The following RAI14 variants were observed in gnomAD, a reference collection of about 807,000 sequenced individuals.
The protein encoded by RAI14 is ankycorbin.
Under a neutral mutation model 115.4 loss-of-function variants are expected in RAI14, and 45 were observed. That is an observed-to-expected ratio of 0.39 (90% confidence interval 0.31 to 0.50). The LOEUF (loss-of-function observed/expected upper bound fraction) is 0.50. RAI14 is among the 20% of genes least tolerant of loss of function. RAI14 has a pLI of 0.85. For missense variants in RAI14, 939 were observed against 1,131.2 expected, an observed-to-expected ratio of 0.83 and a Z score of 2.44; for synonymous variants, 371 against 415.4, an observed-to-expected ratio of 0.89 and a Z score of 1.30.
chr5:34,753,013 G>C (rs1041311640), intron 2 of RAI14, among the ~76,000 whole-genome samples: 1 of 151,912 alleles, frequency 6.6e-6, no homozygotes, highest in Non-Finnish European at 1.5e-5. Context: ...TTTATTAAAG[G>C]TGGTACATCT....
chr5:34,684,403 T>A (rs1340232481), intron 1 of RAI14: 1 of 152,248 alleles, frequency 6.6e-6, no homozygotes, highest in Admixed American at 6.5e-5. Flanking sequence ...AACACTGCCC[T>A]GGAATGTGCA....
chr5:34,783,086 C>A (rs1270350948), intron 3 of RAI14, among the ~76,000 whole-genome samples: 1 of 152,096 alleles, frequency 6.6e-6, no homozygotes, highest in East Asian at 1.9e-4. Flanking sequence ...TATTGCCAGC[C>A]AAGATTGATA....
At position 34,803,719 on chromosome 5, in the gene RAI14, C is replaced by T. The variant is rs370707614; in HGVS notation, c.264C>T (p.Ser88=). 67 of 1,609,508 alleles carry T rather than the reference C, an allele frequency of 4.2e-5. No homozygotes were observed. The African/African-American group carries it at 7.6e-4, about 18-fold the overall frequency. ...TTGAAAAAATCCATTTAGGACACAG[C>T]GCCTTACATCTCGCAGCCAAGAACA... ...DVTAQDTTGH[S]ALHLAAKNSH... The change falls in exon 5 of 18, where the codon AGC becomes AGT. Residue 88 remains serine, a synonymous_variant. Coordinates refer to ENST00000265109, the MANE Select transcript of RAI14 (RefSeq NM_015577.3).
intron 2 of RAI14, among the ~76,000 whole-genome samples, chr5:34,752,762 T>TATATAC (rs1747278847): frequency 7.0e-6 from 1 of 141,892 alleles, no homozygotes; most frequent in African/African-American, 2.7e-5. Flanking sequence ...TATATATATA[T>TATATAC]ATATGTATCT....
chr5:34,781,739 G>T (rs573227789), intron 3 of RAI14, among the ~76,000 whole-genome samples: 141 of 152,302 alleles, frequency 9.3e-4, no homozygotes, highest in Non-Finnish European at 1.5e-3. Context: ...CCACTCCTCG[G>T]TATGTACCCA....
At chr5:34,769,115 A>G (rs1749813939) in intron 3 of RAI14, among the ~76,000 whole-genome samples, 1 of 152,070 alleles carries the variant, frequency 6.6e-6, no homozygotes. Context: ...CATCACAGGC[A>G]CTTAAAGGAT....
At chr5:34,664,250 G>C (rs1003557601) in intron 1 of RAI14, among the ~76,000 whole-genome samples, 22 of 151,438 alleles carry the variant, frequency 1.5e-4, no homozygotes, top group African/African-American at 5.3e-4. Context: ...AGCCCTTTGA[G>C]AGGCTGAGGA....
chr5:34,762,929 ATGTG>A (rs34495404), intron 3 of RAI14, among the ~76,000 whole-genome samples: 15,109 of 128,868 alleles, frequency 0.12, 657 homozygotes, highest in Middle Eastern at 0.18. Context: ...GAGTGTGTGC[ATGTG>A]TGTGTGTGTG....
chr5:34,746,881 G>C (rs752781790), intron 2 of RAI14, among the ~76,000 whole-genome samples: 4 of 152,122 alleles, frequency 2.6e-5, no homozygotes, highest in Non-Finnish European at 5.9e-5. Flanking sequence ...AATCATGGGG[G>C]CTGGTCTTTC....
chr5:34,825,475 T>C (rs956444798), intron 15 of RAI14, among the ~76,000 whole-genome samples: 1 of 152,188 alleles, frequency 6.6e-6, no homozygotes, highest in Non-Finnish European at 1.5e-5. Context: ...GATTCCTCCA[T>C]AATATGAAAC....
intron 2 of RAI14, among the ~76,000 whole-genome samples, chr5:34,754,163 T>C (rs1747567328): frequency 6.6e-6 from 1 of 152,092 alleles, no homozygotes; most frequent in African/African-American, 2.4e-5. Context: ...AATATCTCCG[T>C]GGGCAAGTTT....
At chr5:34,763,940 T>A (rs143511481) in intron 3 of RAI14, among the ~76,000 whole-genome samples, 15 of 152,268 alleles carry the variant, frequency 9.9e-5, no homozygotes, top group African/African-American at 2.6e-4. Context: ...AACCTCCTGC[T>A]TCCTGGGTTC....
chr5:34,737,654 GA>G (rs533684852), intron 2 of RAI14, among the ~76,000 whole-genome samples: 31 of 152,154 alleles, frequency 2.0e-4, no homozygotes, highest in African/African-American at 7.0e-4. Context: ...AACTACTCAG[GA>G]AACTGAGGTG....
At chr5:34,824,736 G>C (rs1447215248) in intron 15 of RAI14, among the ~76,000 whole-genome samples, 1 of 151,940 alleles carries the variant, frequency 6.6e-6, no homozygotes, top group Non-Finnish European at 1.5e-5. Flanking sequence ...TTGAGGTCAG[G>C]AGTTCAAGAC....
intron 3 of RAI14, among the ~76,000 whole-genome samples, chr5:34,767,674 T>C (rs531211345): frequency 7.2e-6 from 1 of 139,464 alleles, no homozygotes; most frequent in Non-Finnish European, 1.5e-5. Flanking sequence ...ATTTACCATC[T>C]CTTTCCTGAA....
At chr5:34,748,267 G>A (rs1480854215) in intron 2 of RAI14, among the ~76,000 whole-genome samples, 1 of 152,210 alleles carries the variant, frequency 6.6e-6, no homozygotes, top group Non-Finnish European at 1.5e-5. Context: ...AAGCAAAAAT[G>A]TAAGTAAAGG....
chr5:34,743,630 G>A (rs1010270796), intron 2 of RAI14, among the ~76,000 whole-genome samples: 1 of 152,190 alleles, frequency 6.6e-6, no homozygotes, highest in African/African-American at 2.4e-5. Context: ...AGTATGGGAA[G>A]CTCTCTTGGA....
intron 2 of RAI14, 64 bp from the exon 3 acceptor site, chr5:34,757,404 C>T (rs1035299422): frequency 3.4e-5 from 54 of 1,587,202 alleles, no homozygotes; most frequent in East Asian, 2.5e-4. Flanking sequence ...GACTGCAGCC[C>T]TGCTGGTCAG....
At chr5:34,752,325 A>C (rs1333607803) in intron 2 of RAI14, among the ~76,000 whole-genome samples, 2 of 152,224 alleles carry the variant, frequency 1.3e-5, no homozygotes, top group Admixed American at 6.5e-5. Flanking sequence ...TAGGCCAATC[A>C]ACCTCCTGCT....
Sources: gnomAD v4.1 joint callset for allele counts (sites outside exome capture counted in the v4.1 genomes callset) on GRCh38, gnomAD v4.1.1 for gene constraint, MANE v1.5 for transcripts, NCBI Gene and HGNC (gene_info 2026-07-23, HGNC 2026-07-21) for gene names.